Variants in NDUFB10 observed in about 807,000 individuals in gnomAD.
The protein encoded by NDUFB10 is NADH dehydrogenase [ubiquinone] 1 beta subcomplex subunit 10.
A neutral mutation model predicts 19.0 loss-of-function variants in NDUFB10; 23 were observed. The observed-to-expected ratio is 1.21, with a 90% confidence interval of 0.87 to 1.71. The LOEUF is 1.71. NDUFB10 is among the 40% of genes most tolerant of loss of function. The pLI, the probability that NDUFB10 is intolerant of heterozygous loss-of-function variation, is 0.00. For synonymous variants in NDUFB10, 104 were observed against 81.8 expected, an observed-to-expected ratio of 1.27 and a Z score of -1.46; for missense variants, 312 against 230.6, an observed-to-expected ratio of 1.35 and a Z score of -2.29.
intron 1 of NDUFB10, 99 bp from the exon 2 acceptor site, chr16:1,961,054 G>C: frequency 1.4e-6 from 2 of 1,419,568 alleles, no homozygotes; most frequent in Non-Finnish European, 1.9e-6. Context: ...CACTCAGGAA[G>C]TTCTCCTCTC....
chr16:1,959,910 G>A (rs1045570993), intron 1 of NDUFB10, among the ~76,000 whole-genome samples, 156 bp downstream of exon 1: 1 of 150,752 alleles, frequency 6.6e-6, no homozygotes. Context: ...AGACCTCCGA[G>A]CTCCGTCGCC....
chr16:1,960,711 G>A (rs1475753965), intron 1 of NDUFB10, among the ~76,000 whole-genome samples: 1 of 152,208 alleles, frequency 6.6e-6, no homozygotes, highest in Admixed American at 6.5e-5. Flanking sequence ...TCTCCTTTTA[G>A]CTCGTTCATT....
chr16:1,961,865 GAGAGAAAAGCTGCAAA>G lies in NDUFB10; in HGVS notation c.483_498del (p.Lys162ProfsTer25). On this transcript the variant is annotated frameshift_variant, in exon 4 of 4. Transcript: ENST00000268668. LOFTEE classifies it high-confidence loss of function. ...CAAACAGAGGCAGAGGATGCTGCAA[GAGAGAAAAGCTGCAAA>G]AGAGGCCGCCGCTGCCACCTCCTGA... 6.4e-7 allele frequency: 1 copy of G among 1,566,068 alleles called. No individual in the cohort carries two copies. Among genetic ancestry groups the G allele is most frequent in the Non-Finnish European group, 8.7e-7 (1 of 1,154,818 alleles).
At chr16:1,960,743 C>T (rs137978385) in intron 1 of NDUFB10, among the ~76,000 whole-genome samples, 2 of 152,212 alleles carry the variant, frequency 1.3e-5, no homozygotes, top group African/African-American at 4.8e-5. Flanking sequence ...AAGCTGAGGC[C>T]GTAAGGTGGT....
At position 1,959,558 on chromosome 16, in the gene NDUFB10, C is replaced by T; in HGVS notation, c.-67C>T. 6.6e-7 allele frequency: 1 copy of T among 1,519,190 alleles called. No homozygotes were observed. The highest frequency in any genetic ancestry group is 8.9e-7 in the Non-Finnish European group (1 of 1,129,894). 94.1% of individuals were successfully genotyped at this position (1,519,190 alleles called of 1,614,324 possible). On this transcript the variant is annotated 5_prime_UTR_variant, in exon 1 of 4. Transcript: ENST00000268668. ...CCTCTGTAGCGGGCGACCTAGGCCG[C>T]GGGACCCGGACGGAGGTAGAGGCCA...
intron 1 of NDUFB10, 89 bp from the exon 2 acceptor site, chr16:1,961,064 C>G (rs1193090857): frequency 6.1e-6 from 9 of 1,482,112 alleles, no homozygotes; most frequent in Non-Finnish European, 9.2e-7. Context: ...GTTCTCCTCT[C>G]TCCCCTCCAA....
chr16:1,961,499 A>G lies in NDUFB10; in HGVS notation c.272A>G (p.Lys91Arg). The G allele has an allele frequency of 6.2e-7, 1 of 1,614,016 alleles. No homozygotes were observed. The highest frequency in any genetic ancestry group is 8.5e-7 in the Non-Finnish European group (1 of 1,179,978). Reference protein sequence around the residue: ...EAEMQWKRDYKVDQEIINIMQ... With the variant: ...EAEMQWKRDYRVDQEIINIMQ... ...CTCTTGCTCCTTTTCTCCACCAGCA[A>G]AGTCGACCAAGAAATTATCAACATT... is the stretch of plus-strand genomic sequence containing the variant. Residue 91 changes from lysine (K) to arginine (R), a missense_variant and splice_region_variant, in exon 3 of 4, where the codon AAA becomes AGA. Coordinates refer to ENST00000268668, the MANE Select transcript of NDUFB10 (RefSeq NM_004548.3).
chr16:1,959,633 C>G lies in NDUFB10; in HGVS notation c.9C>G (p.Asp3Glu). The change falls in exon 1 of 4, where the codon GAC (aspartate) becomes GAG (glutamate). Residue 3 changes from aspartate (D) to glutamate (E), a missense_variant. Coordinates refer to ENST00000268668, the MANE Select transcript of NDUFB10 (RefSeq NM_004548.3). ...CCGCGCCCGCCGCCGCCATGCCGGA[C>G]AGCTGGGACAAGGATGTGTACCCTG... MP[D>E]SWDKDVYPEP... 1.9e-6 allele frequency: 3 copies of G among 1,610,474 alleles called. No individual in the cohort carries two copies.
Position 1,961,577 on chromosome 16 carries a change from A to C in NDUFB10, c.350A>C (p.Gln117Pro). The C allele has an allele frequency of 1.2e-6, 2 of 1,614,110 alleles. No individual in the cohort carries two copies. The highest frequency in any genetic ancestry group is 1.7e-6 in the Non-Finnish European group (2 of 1,180,028). Residue 117 changes from glutamine (Q) to proline (P), a missense_variant, in exon 3 of 4, where the codon CAG becomes CCG. Transcript: ENST00000268668. Reference protein sequence around the residue: ...CQQREGQNYQQNCIKEVEQFT... With the variant: ...CQQREGQNYQPNCIKEVEQFT... ...CAGAGGGAAGGACAGAACTACCAGC[A>C]GAACTGTATCAAGGAAGTGGAGCAG...
chr16:1,961,810 G>A lies in NDUFB10; in HGVS notation c.423G>A (p.Gly141=), dbSNP rs751794350. 14 of 1,555,628 alleles carry A rather than the reference G, an allele frequency of 9.0e-6. No homozygotes were observed. Among genetic ancestry groups the A allele is most frequent in the Non-Finnish European group, 8.7e-6 (10 of 1,149,024 alleles). ...KAYQDRYQDL[G]AYSSARKCLA... is the part of the protein sequence containing the mutation. ...TTGCTTCCCCAGATCAGGACCTGGG[G>A]GCCTACAGTTCTGCCAGGAAGTGCC... Residue 141 remains glycine (G), a synonymous_variant, in exon 4 of 4, where the codon GGG becomes GGA. Coordinates refer to ENST00000268668, the MANE Select transcript of NDUFB10 (RefSeq NM_004548.3).
chr16:1,961,553 A>G lies in NDUFB10; in HGVS notation c.326A>G (p.Gln109Arg), dbSNP rs374819190. ...IMQDRLKACQ[Q>R]REGQNYQQNC... ...CAGGATCGGCTCAAAGCCTGTCAGC[A>G]GAGGGAAGGACAGAACTACCAGCAG... The change falls in exon 3 of 4, where the codon CAG becomes CGG. Residue 109 changes from glutamine to arginine, a missense_variant. Transcript: ENST00000268668. 283 of 1,614,010 alleles carry G rather than the reference A, an allele frequency of 1.8e-4. No homozygotes were observed. The highest frequency in any genetic ancestry group is 2.3e-4 in the Non-Finnish European group (276 of 1,180,042).
At chr16:1,961,739 G>T (rs946644079) in intron 3 of NDUFB10, 58 bp from the exon 4 acceptor site, 22 of 1,461,258 alleles carry the variant, frequency 1.5e-5, no homozygotes, top group Non-Finnish European at 2.0e-5. Flanking sequence ...ACTTGACTTT[G>T]CCCCCTTTGC....
At chr16:1,959,892 A>G (rs536673760) in intron 1 of NDUFB10, 138 bp downstream of exon 1, 2 of 1,152,330 alleles carry the variant, frequency 1.7e-6, no homozygotes, top group East Asian at 2.6e-5. Context: ...ACAACTCCCC[A>G]CCCCCGGAGA....
In NDUFB10 at chr16:1,961,459, C is replaced by T. The variant is rs534337638; in HGVS notation, c.270-38C>T. ...TCTCACAGGGTACAGGAAAAGGATT[C>T]CTTGTGATTAGCCTCTCTTGCTCCT... On this transcript the variant is annotated intron_variant, in intron 2 of 3. Transcript: ENST00000268668. 1.7e-5 allele frequency: 27 copies of T among 1,610,892 alleles called. No homozygotes were observed. In the South Asian group the frequency reaches 2.9e-4, roughly 17 times the overall value.
At position 1,961,128 on chromosome 16, in the gene NDUFB10, T is replaced by C. The variant is rs745363880; in HGVS notation, c.131-25T>C. 6 of 1,612,654 alleles carry C rather than the reference T, an allele frequency of 3.7e-6. No homozygotes were observed. In the South Asian group the frequency reaches 6.6e-5, roughly 18 times the overall value. The stretch of plus-strand genomic sequence containing the variant: ...AGCCTGTCCAAACCGATGAGGCATT[T>C]GAGTCTGTGGCTTTGTCTTTGCAGA... On this transcript the variant is annotated intron_variant, in intron 1 of 3. Transcript: ENST00000268668.
chr16:1,961,468 T>C (rs1443713652), intron 2 of NDUFB10, 29 bp from the exon 3 acceptor site: 1 of 1,612,628 alleles, frequency 6.2e-7, no homozygotes. Context: ...TCCTTGTGAT[T>C]AGCCTCTCTT....
intron 1 of NDUFB10, among the ~76,000 whole-genome samples, chr16:1,960,802 G>A (rs2083248761): frequency 6.6e-6 from 1 of 152,232 alleles, no homozygotes; most frequent in Non-Finnish European, 1.5e-5. Flanking sequence ...TGCGCACCCA[G>A]CAGGGTCCCT....
At position 1,961,337 on chromosome 16, in the gene NDUFB10, C is replaced by T. The variant is rs546311165; in HGVS notation, c.269+46C>T. On this transcript the variant is annotated intron_variant, in intron 2 of 3. Coordinates refer to ENST00000268668, the MANE Select transcript of NDUFB10 (RefSeq NM_004548.3). Reference sequence around the variant, plus strand: ...GTGTGGAGATCTGCACCGTGTGCTGCTGGGACACTAGTCCCTGGGATGCCA... The same window carrying T: ...GTGTGGAGATCTGCACCGTGTGCTGTTGGGACACTAGTCCCTGGGATGCCA... The T allele has an allele frequency of 3.1e-6, 5 of 1,609,776 alleles. No homozygotes were observed. In the African/African-American group the frequency reaches 6.7e-5, roughly 21 times the overall value.
Position 1,961,134 on chromosome 16 carries a change from T to C in NDUFB10, c.131-19T>C, listed in dbSNP as rs1296963838. On this transcript the variant is annotated intron_variant, in intron 1 of 3. Coordinates refer to ENST00000268668, the MANE Select transcript of NDUFB10 (RefSeq NM_004548.3). ...TCCAAACCGATGAGGCATTTGAGTC[T>C]GTGGCTTTGTCTTTGCAGAATTTAT... The C allele has an allele frequency of 2.5e-6, 4 of 1,613,066 alleles. No individual in the cohort carries two copies. The South Asian group carries it at 3.3e-5, about 13-fold the overall frequency.
Sources: gnomAD v4.1 joint callset for allele counts (sites outside exome capture counted in the v4.1 genomes callset) on GRCh38, gnomAD v4.1.1 for gene constraint, MANE v1.5 for transcripts, NCBI Gene and HGNC (gene_info 2026-07-23, HGNC 2026-07-21) for gene names.